Variants in ZNF507 observed in about 807,000 individuals in gnomAD.
ZNF507 encodes the protein zinc finger protein 507.
Under a neutral mutation model 80.0 loss-of-function variants are expected in ZNF507, and 29 were observed. The observed-to-expected ratio is 0.36, with a 90% CI of 0.27 to 0.49. ZNF507 has a LOEUF of 0.49. Among genes scored for constraint, ZNF507 ranks in the 20% least tolerant of loss-of-function variants. ZNF507 has a pLI of 0.98. For missense variants in ZNF507, 1,081 were observed against 1,152.2 expected (o/e 0.94, Z 0.90); for synonymous variants, 462 against 422.5 (o/e 1.09, Z -1.15).
chr19:32,364,494 C>T (rs1423947416), intron 5 of ZNF507, among the ~76,000 whole-genome samples: 1 of 152,096 alleles, frequency 6.6e-6, no homozygotes, highest in African/African-American at 2.4e-5. Flanking sequence ...TCCTCCCACT[C>T]TTTCCCCCCA....
Position 32,354,840 on chromosome 19 carries a change from G to T in ZNF507, c.2010G>T (p.Gln670His), listed in dbSNP as rs756556538. The T allele has an allele frequency of 6.2e-7, 1 of 1,614,178 alleles. No individual in the cohort carries two copies. The highest frequency in any genetic ancestry group is 1.7e-5 in the Admixed American group (1 of 60,028). The change falls in exon 3 of 7, where the codon CAG becomes CAT. Residue 670 changes from glutamine (Q) to histidine (H), a missense_variant. Gln to His is a conservative substitution (Grantham distance 24). Around this residue, in one of 6 missense-constraint regions of ZNF507, gnomAD observed 614 missense variants for 583.9 expected, o/e 1.05. Coordinates refer to ENST00000355898, the MANE Select transcript of ZNF507 (RefSeq NM_001136156.2). The stretch of plus-strand genomic sequence containing the variant: ...TCCATCGACAGAGACAGCCTTATCA[G>T]TGTCCTATCTGCGAGCACATAGCGG... ...LRVHRQRQPY[Q>H]CPICEHIADN...
intron 5 of ZNF507, chr19:32,382,043 C>G (rs1396431474): frequency 1.3e-5 from 2 of 153,838 alleles, no homozygotes; most frequent in African/African-American, 2.4e-5. Context: ...AAAGAATGCA[C>G]AGTTCATGTT....
intron 5 of ZNF507, among the ~76,000 whole-genome samples, chr19:32,378,650 TAA>T (rs10616609): frequency 0.51 from 57,814 of 112,922 alleles, 12,843 homozygotes; most frequent in Non-Finnish European, 0.6. Flanking sequence ...TTTTTTTTTT[TAA>T]AAAAAAAAGG....
chr19:32,369,145 G>A (rs1407044328), intron 5 of ZNF507, among the ~76,000 whole-genome samples: 6 of 152,238 alleles, frequency 3.9e-5, no homozygotes, highest in Non-Finnish European at 8.8e-5. Flanking sequence ...GGTTGCCAAA[G>A]TAGCTTCTTT....
Position 32,384,861 on chromosome 19 carries a change from A to T in ZNF507, c.*1778A>T, listed in dbSNP as rs936427237. Reference sequence around the variant, plus strand: ...GTTTTTAAAAATATGAAATGGATTTATATATACTATATTCCTCAAATCCAC... The same window carrying T: ...GTTTTTAAAAATATGAAATGGATTTTTATATACTATATTCCTCAAATCCAC... On this transcript the variant is annotated 3_prime_UTR_variant, in exon 7 of 7. Transcript: ENST00000355898. The T allele has an allele frequency of 1.3e-5, 2 of 152,210 alleles. No homozygotes were observed. The highest frequency in any genetic ancestry group is 2.1e-4 in the South Asian group (1 of 4,830). The allele number at this position is 152,210 out of a possible 1,614,324, so 9.4% of individuals were successfully genotyped here.
At chr19:32,351,419 C>CTGTGTG (rs5823) in intron 2 of ZNF507, among the ~76,000 whole-genome samples, 8,010 of 52,718 alleles carry the variant, frequency 0.15, 957 homozygotes, top group Non-Finnish European at 0.17. Flanking sequence ...AGCTGGTCAG[C>CTGTGTG]TGTGTGTGTG....
chr19:32,348,603 C>G (rs1331828152), intron 2 of ZNF507, among the ~76,000 whole-genome samples: 1 of 152,182 alleles, frequency 6.6e-6, no homozygotes, highest in African/African-American at 2.4e-5. Flanking sequence ...CTGTGGAATA[C>G]TGTTGTCAAG....
Position 32,372,510 on chromosome 19 carries a change from G to A in ZNF507, c.2361-9957G>A, listed in dbSNP as rs150707231. Among the ~76,000 whole-genome samples, 466 of 151,958 alleles carry A rather than the reference G, an allele frequency of 3.1e-3. 2 individuals carry two copies. Among genetic ancestry groups the A allele is most frequent in the African/African-American group, 0.011 (446 of 41,422 alleles). ...GGCGTTTTTTTCAGCTGTCAGTTCTGCAGGCCGAAAAGTTTGAGGGCCTGG... is the reference window on the plus strand; with the variant it reads ...GGCGTTTTTTTCAGCTGTCAGTTCTACAGGCCGAAAAGTTTGAGGGCCTGG... On this transcript the variant is annotated intron_variant, in intron 5 of 6. Transcript: ENST00000355898.
intron 5 of ZNF507, among the ~76,000 whole-genome samples, chr19:32,375,289 C>T (rs1250432975): frequency 6.6e-6 from 1 of 152,166 alleles, no homozygotes; most frequent in Non-Finnish European, 1.5e-5. Flanking sequence ...GGACAACCTG[C>T]AGTGCCCCAG....
rs372959149 is a variant in ZNF507 at position 32,381,608 on chromosome 19, AAACAACAAC to A, written c.2361-841_2361-833del. ...GGGAGACAGAGCAAGACTCTATCTC[AAACAACAAC>A]AACAACAACAACAACAAAAAACCCC... On this transcript the variant is annotated intron_variant, in intron 5 of 6. Coordinates refer to ENST00000355898, the MANE Select transcript of ZNF507 (RefSeq NM_001136156.2). 4.5e-4 allele frequency among the ~76,000 whole-genome samples: 68 copies of A among 152,040 alleles called. No homozygotes were observed. In the East Asian group the frequency reaches 0.012, roughly 27 times the overall value.
intron 5 of ZNF507, among the ~76,000 whole-genome samples, chr19:32,380,425 C>T (rs979917863): frequency 6.6e-6 from 1 of 152,056 alleles, no homozygotes; most frequent in African/African-American, 2.4e-5. Flanking sequence ...GACCTTTGGC[C>T]TTGGACCTGA....
At chr19:32,351,330 G>C (rs1029755126) in intron 2 of ZNF507, among the ~76,000 whole-genome samples, 9 of 152,008 alleles carry the variant, frequency 5.9e-5, no homozygotes, top group African/African-American at 2.2e-4. Flanking sequence ...GATCTAGAAA[G>C]CTGGCTTGCC....
chr19:32,350,334 A>T (rs1000890634), intron 2 of ZNF507, among the ~76,000 whole-genome samples: 2 of 151,728 alleles, frequency 1.3e-5, no homozygotes, highest in African/African-American at 4.8e-5. Flanking sequence ...TATAGCTGCC[A>T]TTACTGTACT....
intron 2 of ZNF507, among the ~76,000 whole-genome samples, chr19:32,350,460 A>G (rs1381986280): frequency 6.6e-6 from 1 of 152,248 alleles, no homozygotes; most frequent in African/African-American, 2.4e-5. Flanking sequence ...ACACAGCTTT[A>G]AAAATCTGAA....
chr19:32,378,687 A>G (rs1392832821), intron 5 of ZNF507, among the ~76,000 whole-genome samples: 17 of 151,174 alleles, frequency 1.1e-4, no homozygotes, highest in Non-Finnish European at 1.8e-4. Flanking sequence ...ATAGCTCATC[A>G]CTCTTATTTT....
At position 32,356,625 on chromosome 19, in the gene ZNF507, A is replaced by G; in HGVS notation, c.2137A>G (p.Arg713Gly). ...TCTTTCCACTTTTTAGAGTCAATTG[A>G]GGAACCATGAGAGAGAACAGCACAG... ...EESFHYKSQL[R>G]NHEREQHSLP... Residue 713 changes from arginine to glycine, a missense_variant, in exon 4 of 7, where the codon AGG becomes GGG. This residue lies in a region of ZNF507 where 614 missense variants were observed against 583.9 expected (regional missense o/e 1.05). Coordinates refer to ENST00000355898, the MANE Select transcript of ZNF507 (RefSeq NM_001136156.2). 2 of 1,612,938 alleles carry G rather than the reference A, an allele frequency of 1.2e-6. No homozygotes were observed. Among genetic ancestry groups the G allele is most frequent in the Non-Finnish European group, 1.7e-6 (2 of 1,179,080 alleles).
Position 32,360,555 on chromosome 19 carries a change from C to G in ZNF507, c.2297C>G (p.Thr766Arg), listed in dbSNP as rs1383209740. The change falls in exon 5 of 7, where the codon ACA (threonine) becomes AGA (arginine). Residue 766 changes from threonine (T) to arginine (R), a missense_variant. Transcript: ENST00000355898. ...KQYRCDVCDY[T>R]STTYVGVRNH... The stretch of plus-strand genomic sequence containing the variant: ...TATAGATGTGATGTGTGTGATTATA[C>G]AAGTACAACATATGTTGGTGTCAGA... 1.9e-6 allele frequency: 3 copies of G among 1,603,854 alleles called. No homozygotes were observed. Among genetic ancestry groups the G allele is most frequent in the Non-Finnish European group, 2.6e-6 (3 of 1,175,424 alleles).
At position 32,387,284 on chromosome 19, in the gene ZNF507, C is replaced by T. The variant is rs1967701735; in HGVS notation, c.*4201C>T. On this transcript the variant is annotated 3_prime_UTR_variant, in exon 7 of 7. Transcript: ENST00000355898. ...TGTCGTCTATACAGACAGCTATTGA[C>T]ATATTTGTTGCATTGACGAAGCTAA... The T allele has an allele frequency of 2.0e-5, 3 of 152,208 alleles. No individual in the cohort carries two copies. In the South Asian group the frequency reaches 6.2e-4, roughly 32 times the overall value. 9.4% of individuals were successfully genotyped at this position (152,208 alleles called of 1,614,324 possible).
chr19:32,381,818 G>GT (rs1397916738), intron 5 of ZNF507, among the ~76,000 whole-genome samples: 1 of 152,064 alleles, frequency 6.6e-6, no homozygotes, highest in African/African-American at 2.4e-5. Flanking sequence ...TATCTGACCA[G>GT]TTTTTTCTGT....
Sources: allele counts gnomAD v4.1 joint callset (sites outside exome capture counted in the v4.1 genomes callset), GRCh38; gene constraint gnomAD v4.1.1; regional missense constraint gnomAD v4.1.1; transcripts MANE v1.5; gene names NCBI Gene and HGNC (gene_info 2026-07-23, HGNC 2026-07-21).